Variants in PANK2 observed in about 807,000 individuals in gnomAD.
The protein encoded by PANK2 is pantothenate kinase 2, mitochondrial.
PANK2 carries 36 observed loss-of-function variants against 43.1 expected under a neutral mutation model. That is an observed-to-expected ratio of 0.84 (90% CI 0.64 to 1.10). The LOEUF is 1.10. Among genes scored for constraint, PANK2 ranks in the 50% least tolerant of loss-of-function variants. The pLI, the probability that PANK2 is intolerant of heterozygous loss-of-function variation, is 0.00. For missense variants in PANK2, 576 were observed against 593.3 expected (o/e 0.97, Z 0.30); for synonymous variants, 281 against 238.2 (o/e 1.18, Z -1.66).
At chr20:3,919,272 G>T (rs1333568123) in intron 6 of PANK2, among the ~76,000 whole-genome samples, 1 of 152,116 alleles carries the variant, frequency 6.6e-6, no homozygotes, top group Non-Finnish European at 1.5e-5. Context: ...ACTAATGCAA[G>T]GTAAATTTTG....
chr20:3,908,169 A>T lies in PANK2; in HGVS notation c.542A>T (p.Asp181Val). ...CACTTTATACGCTTTCCCACTCATGACATGCCTGCTTTTATTCAAATGGGC... is the reference window on the plus strand; with the variant it reads ...CACTTTATACGCTTTCCCACTCATGTCATGCCTGCTTTTATTCAAATGGGC... The change falls in exon 2 of 7, where the codon GAC (aspartate) becomes GTC (valine). Residue 181 changes from aspartate to valine, a missense_variant. Physicochemically the swap from Asp to Val is radical, Grantham distance 152. Coordinates refer to ENST00000610179, the MANE Select transcript of PANK2 (RefSeq NM_001386393.1). The T allele has an allele frequency of 6.2e-7, 1 of 1,614,198 alleles. No homozygotes were observed. Among genetic ancestry groups the T allele is most frequent in the African/African-American group, 1.3e-5 (1 of 75,054 alleles).
rs1568596642 is a variant in PANK2 at position 3,927,260 on chromosome 20, G to GT, written c.*3967dup. The GT allele has an allele frequency of 1.3e-5, 2 of 152,188 alleles. No homozygotes were observed. The highest frequency in any genetic ancestry group is 2.4e-5 in the African/African-American group (1 of 41,424). The allele number at this position is 152,188 out of a possible 1,614,324, so 9.4% of individuals were successfully genotyped here. ...TCCAAGTCTTGCTGAAGGTGCTTGC[G>GT]TAAGTGGCACATGGATGTTCCCTCT... On this transcript the variant is annotated 3_prime_UTR_variant, in exon 7 of 7. Coordinates refer to ENST00000610179, the MANE Select transcript of PANK2 (RefSeq NM_001386393.1).
intron 1 of PANK2, among the ~76,000 whole-genome samples, chr20:3,907,653 A>G (rs1309098468): frequency 6.6e-6 from 1 of 152,108 alleles, no homozygotes; most frequent in East Asian, 1.9e-4. Flanking sequence ...TGTTATTTTT[A>G]AAACACTTCA....
At chr20:3,917,370 A>G (rs2090578631) in intron 5 of PANK2, 1 of 510,196 alleles carries the variant, frequency 2.0e-6, no homozygotes, top group Non-Finnish European at 4.0e-6. Context: ...TGTAGACTCC[A>G]CACTCACTGC....
rs1009377199 is a variant in PANK2, at chr20:3,894,055, G to A, written c.298+4327G>A. Among the ~76,000 whole-genome samples the A allele has an allele frequency of 3.4e-5, 5 of 147,466 alleles. No individual in the cohort carries two copies. The Admixed American group carries it at 3.4e-4, about 10-fold the overall frequency. ...CAAGCAATTCTCCTGCCTCAGACTC[G>A]CAAGTAGCTGGGATTACAGGCATGT... On this transcript the variant is annotated intron_variant, in intron 1 of 6. Transcript: ENST00000610179.
At chr20:3,897,939 G>A (rs752172001) in intron 1 of PANK2, among the ~76,000 whole-genome samples, 34 of 152,042 alleles carry the variant, frequency 2.2e-4, no homozygotes, top group East Asian at 5.8e-4. Flanking sequence ...ACTGGGAGGC[G>A]GAGGTTGCAG....
intron 1 of PANK2, among the ~76,000 whole-genome samples, chr20:3,895,484 G>GTTTTTTTTTTTTTT (rs10630574): frequency 7.5e-6 from 1 of 132,952 alleles, no homozygotes. Context: ...CCCTGTCTCC[G>GTTTTTTTTTTTTTT]TTTTTTTTTT....
At chr20:3,896,181 G>A (rs7509501) in intron 1 of PANK2, among the ~76,000 whole-genome samples, 25,993 of 150,032 alleles carry the variant, frequency 0.17, 2,489 homozygotes, top group African/African-American at 0.25. Flanking sequence ...TCTTGGCTCA[G>A]CCTCCTGAGT....
intron 4 of PANK2, 71 bp downstream of exon 4, chr20:3,912,705 A>G: frequency 6.4e-7 from 1 of 1,552,376 alleles, no homozygotes; most frequent in South Asian, 1.1e-5. Context: ...TAATCCCAAA[A>G]CTTTGAGAGG....
intron 1 of PANK2, among the ~76,000 whole-genome samples, chr20:3,895,172 G>A (rs1451077866): frequency 2.0e-5 from 3 of 152,096 alleles, no homozygotes; most frequent in African/African-American, 7.2e-5. Flanking sequence ...TACTCAGGAC[G>A]CTGAGGCAGG....
intron 1 of PANK2, among the ~76,000 whole-genome samples, chr20:3,904,385 A>C (rs935699146): frequency 9.2e-5 from 14 of 151,974 alleles, no homozygotes; most frequent in Admixed American, 4.0e-4. Flanking sequence ...GTTGGAGACC[A>C]GCCTGGACAA....
intron 1 of PANK2, among the ~76,000 whole-genome samples, chr20:3,897,491 A>T (rs1373072545): frequency 2.6e-5 from 4 of 151,680 alleles, no homozygotes; most frequent in Admixed American, 6.6e-5. Context: ...GCTTGAGCTT[A>T]GGAGTTTGAG....
Position 3,913,143 on chromosome 20 carries a change from A to G in PANK2, c.1082+509A>G, listed in dbSNP as rs78643314. On this transcript the variant is annotated intron_variant, in intron 4 of 6. Coordinates refer to ENST00000610179, the MANE Select transcript of PANK2 (RefSeq NM_001386393.1). ...CATCCTAGAAAGAAACCTTGTGTTCATTAGCTACGACTCTCCATTCCCCCC... is the reference window on the plus strand; with the variant it reads ...CATCCTAGAAAGAAACCTTGTGTTCGTTAGCTACGACTCTCCATTCCCCCC... Among the ~76,000 whole-genome samples the G allele has an allele frequency of 4.9e-3, 742 of 152,150 alleles. 5 individuals are homozygous for G. The highest frequency in any genetic ancestry group is 0.014 in the Middle Eastern group (4 of 294).
At chr20:3,890,596 A>T (rs1353331874) in intron 1 of PANK2, among the ~76,000 whole-genome samples, 1 of 152,214 alleles carries the variant, frequency 6.6e-6, no homozygotes, top group Non-Finnish European at 1.5e-5. Flanking sequence ...GCCATTTTAC[A>T]TATGGTTGGA....
intron 1 of PANK2, among the ~76,000 whole-genome samples, chr20:3,894,548 T>A (rs915542358): frequency 2.0e-5 from 3 of 151,596 alleles, no homozygotes; most frequent in Non-Finnish European, 2.9e-5. Context: ...CCTGAAGGTG[T>A]TTTTTAACCT....
At chr20:3,909,230 G>A (rs1049979310) in intron 2 of PANK2, among the ~76,000 whole-genome samples, 15 of 152,066 alleles carry the variant, frequency 9.9e-5, no homozygotes, top group African/African-American at 3.4e-4. Flanking sequence ...ACAGGCATGT[G>A]CCACCACGCC....
intron 1 of PANK2, among the ~76,000 whole-genome samples, chr20:3,907,099 C>CTT (rs71195867): frequency 0.083 from 6,727 of 80,586 alleles, 927 homozygotes; most frequent in East Asian, 0.18. Context: ...CCAGCCCTGC[C>CTT]TTTTTTTTTT....
chr20:3,889,079 G>C (rs199787176), upstream of PANK2: 4,983 of 1,520,538 alleles, frequency 3.3e-3, 25 homozygotes, highest in East Asian at 0.026. Flanking sequence ...ATGCACAAGT[G>C]GGGGGCGGAA....
intron 3 of PANK2, among the ~76,000 whole-genome samples, chr20:3,912,168 C>A (rs1002972216): frequency 6.6e-6 from 1 of 152,040 alleles, no homozygotes; most frequent in Non-Finnish European, 1.5e-5. Flanking sequence ...TTAGCATGGC[C>A]CCAGGCGTGT....
Sources: allele counts gnomAD v4.1 joint callset (sites outside exome capture counted in the v4.1 genomes callset), GRCh38; gene constraint gnomAD v4.1.1; transcripts MANE v1.5; gene names NCBI Gene and HGNC (gene_info 2026-07-23, HGNC 2026-07-21).